SFMBT2: variants seen among roughly 807,000 people sequenced by gnomAD.
The protein encoded by SFMBT2 is scm-like with four MBT domains protein 2.
A neutral mutation model predicts 110.1 loss-of-function variants in SFMBT2; 38 were observed. That is an observed-to-expected ratio of 0.35 (90% CI 0.27 to 0.45). The LOEUF is 0.45. Among genes scored for constraint, SFMBT2 ranks in the 20% least tolerant of loss-of-function variants. SFMBT2 has a pLI of 1.00. For synonymous variants in SFMBT2, 425 were observed against 425.4 expected, an observed-to-expected ratio of 1.00 and a Z score of 0.01; for missense variants, 1,011 against 1,094.9, an observed-to-expected ratio of 0.92 and a Z score of 1.08.
intron 1 of SFMBT2, among the ~76,000 whole-genome samples, chr10:7,396,205 C>T (rs1299833236): frequency 1.3e-5 from 2 of 152,126 alleles, no homozygotes; most frequent in East Asian, 1.9e-4. Context: ...GCCAAGATTG[C>T]GCCACTGCGC....
intron 4 of SFMBT2, among the ~76,000 whole-genome samples, chr10:7,365,891 T>C (rs756995456): frequency 1.4e-4 from 21 of 152,238 alleles, no homozygotes; most frequent in Non-Finnish European, 2.8e-4. Flanking sequence ...ATAGTAATAA[T>C]GGTTGCACAA....
chr10:7,360,705 C>A (rs1334911585), intron 4 of SFMBT2, among the ~76,000 whole-genome samples: 1 of 152,094 alleles, frequency 6.6e-6, no homozygotes, highest in Admixed American at 6.5e-5. Flanking sequence ...AAGTTACAAA[C>A]ACATACATAC....
intron 4 of SFMBT2, among the ~76,000 whole-genome samples, chr10:7,354,596 C>T (rs1020132582): frequency 1.4e-4 from 21 of 152,156 alleles, no homozygotes; most frequent in African/African-American, 5.1e-4. Flanking sequence ...CCTAAATCCA[C>T]GCGTGCCCAA....
chr10:7,328,129 G>A (rs773737204), intron 4 of SFMBT2, among the ~76,000 whole-genome samples: 10 of 152,180 alleles, frequency 6.6e-5, no homozygotes, highest in South Asian at 2.1e-4. Flanking sequence ...ATCCTTTGTC[G>A]ACACTTGATA....
At chr10:7,343,455 A>T (rs1375885780) in intron 4 of SFMBT2, among the ~76,000 whole-genome samples, 2 of 152,182 alleles carry the variant, frequency 1.3e-5, no homozygotes, top group African/African-American at 4.8e-5. Flanking sequence ...GTGCTTTCAG[A>T]AATCTCCAGA....
At chr10:7,207,033 C>T (rs910605732) in intron 11 of SFMBT2, 3 of 452,424 alleles carry the variant, frequency 6.6e-6, no homozygotes, top group African/African-American at 4.3e-5. Context: ...CAAGATCAGC[C>T]TCAGTAACAT....
At position 7,367,507 on chromosome 10, in the gene SFMBT2, G is replaced by A; in HGVS notation, c.436+142C>T. The A allele has an allele frequency of 7.3e-7, 1 of 1,378,140 alleles. No homozygotes were observed. 85.4% of individuals were successfully genotyped at this position (1,378,140 alleles called of 1,614,324 possible). On this transcript the variant is annotated intron_variant, in intron 4 of 20. Coordinates refer to ENST00000397167, the MANE Select transcript of SFMBT2 (RefSeq NM_001387889.1). The surrounding 1 kb of genome is among the most constrained non-coding windows in gnomAD (Gnocchi z 6.2). ...TCTCCCTCCAGCTAAGGAAACCTGA[G>A]AAACCACTCTGAAAGAACTGTGAGA...
chr10:7,254,079 A>G (rs552020710), intron 7 of SFMBT2, among the ~76,000 whole-genome samples: 3 of 152,362 alleles, frequency 2.0e-5, no homozygotes, highest in African/African-American at 7.2e-5. Context: ...TTTAAAAAAC[A>G]TGAAAGATAT....
intron 1 of SFMBT2, among the ~76,000 whole-genome samples, chr10:7,394,665 T>C (rs955813249): frequency 2.6e-5 from 4 of 152,112 alleles, no homozygotes; most frequent in African/African-American, 7.2e-5. Flanking sequence ...TCATTTTCTA[T>C]GTATTTATCA....
At chr10:7,284,242 C>T in intron 5 of SFMBT2, 92 bp from the exon 6 acceptor site, 3 of 1,537,924 alleles carry the variant, frequency 2.0e-6, no homozygotes, top group South Asian at 1.3e-5. Flanking sequence ...TTTTTTCACA[C>T]CATCATCCAA....
At chr10:7,331,361 C>T (rs1435539291) in intron 4 of SFMBT2, among the ~76,000 whole-genome samples, 1 of 152,344 alleles carries the variant, frequency 6.6e-6, no homozygotes, top group East Asian at 1.9e-4. Context: ...CAGGTGAAAA[C>T]TGTGATCAGC....
intron 1 of SFMBT2, among the ~76,000 whole-genome samples, chr10:7,387,317 T>C (rs866002157): frequency 6.6e-6 from 1 of 152,202 alleles, no homozygotes; most frequent in Non-Finnish European, 1.5e-5. Flanking sequence ...GCTGATACCA[T>C]GCAGTTTTCT....
chr10:7,329,213 G>A lies in SFMBT2; in HGVS notation c.436+38436C>T, dbSNP rs115803838. ...GAGGCTAAAATGACAGCGGACAGAT[G>A]GAAAAGACCAACAGTGAATGATGGT... On this transcript the variant is annotated intron_variant, in intron 4 of 20. Transcript: ENST00000397167. Among the ~76,000 whole-genome samples the A allele has an allele frequency of 6.2e-3, 945 of 152,310 alleles. 15 individuals carry two copies. Among genetic ancestry groups the A allele is most frequent in the African/African-American group, 0.021 (880 of 41,568 alleles).
chr10:7,263,366 C>T (rs896595145), intron 7 of SFMBT2, among the ~76,000 whole-genome samples: 10 of 152,262 alleles, frequency 6.6e-5, no homozygotes, highest in East Asian at 3.9e-4. Flanking sequence ...CTCAACCTCC[C>T]GAGTAGGTGG....
At chr10:7,331,681 G>GT (rs1328802673) in intron 4 of SFMBT2, among the ~76,000 whole-genome samples, 1 of 152,108 alleles carries the variant, frequency 6.6e-6, no homozygotes, top group Non-Finnish European at 1.5e-5. Flanking sequence ...AGTCACAGAT[G>GT]AAGTGACTGA....
At chr10:7,275,717 G>A (rs116270306) in intron 7 of SFMBT2, among the ~76,000 whole-genome samples, 1,849 of 152,262 alleles carry the variant, frequency 0.012, 39 homozygotes, top group African/African-American at 0.039. Context: ...AAGTTAAGGG[G>A]GAGATCTTAA....
In SFMBT2 at chr10:7,163,513, C is replaced by T; in HGVS notation, c.*257G>A. 2.5e-6 allele frequency: 1 copy of T among 406,448 alleles called. No homozygotes were observed. Among genetic ancestry groups the T allele is most frequent in the Non-Finnish European group, 4.4e-6 (1 of 225,824 alleles). 25.2% of individuals were successfully genotyped at this position (406,448 alleles called of 1,614,324 possible). On this transcript the variant is annotated 3_prime_UTR_variant, in exon 21 of 21. Coordinates refer to ENST00000397167, the MANE Select transcript of SFMBT2 (RefSeq NM_001387889.1). The surrounding 1 kb of genome is among the most constrained non-coding windows in gnomAD (Gnocchi z 4.8). ...AGGAGAAAGGCAAAACGTGGGTGAG[C>T]CAAGAAGCAGGCCCACGTCTGGCAG...
chr10:7,246,681 T>C (rs568944621), intron 8 of SFMBT2, among the ~76,000 whole-genome samples: 3 of 127,684 alleles, frequency 2.3e-5, no homozygotes, highest in South Asian at 5.0e-4. Flanking sequence ...ATCATGTCAC[T>C]GCACTCTAGC....
intron 16 of SFMBT2, among the ~76,000 whole-genome samples, chr10:7,181,357 A>T (rs1838242947): frequency 6.6e-6 from 1 of 152,176 alleles, no homozygotes; most frequent in Admixed American, 6.5e-5. Flanking sequence ...AAGTATTCCA[A>T]AAGCTGAAAA....
Sources: allele counts gnomAD v4.1 joint callset (sites outside exome capture counted in the v4.1 genomes callset), GRCh38; gene constraint gnomAD v4.1.1; non-coding constraint Gnocchi (gnomAD v3.1); transcripts MANE v1.5; gene names NCBI Gene and HGNC (gene_info 2026-07-23, HGNC 2026-07-21).